CABYR: variants seen among roughly 807,000 people sequenced by gnomAD.
CABYR encodes the protein calcium binding tyrosine phosphorylation regulated, also known as calcium-binding tyrosine phosphorylation-regulated protein.
CABYR carries 31 observed loss-of-function variants against 36.1 expected under a neutral mutation model. The ratio of observed to expected loss-of-function variants is 0.86; its 90% CI spans 0.64 to 1.16. CABYR has a LOEUF of 1.16. CABYR is among the 50% of genes most tolerant of loss of function. The pLI, the probability that CABYR is intolerant of heterozygous loss-of-function variation, is 0.00. For synonymous variants in CABYR, 146 were observed against 160.7 expected (o/e 0.91, Z 0.69); for missense variants, 429 against 455.8 (o/e 0.94, Z 0.53).
chr18:24,147,628 G>C, intron 3 of CABYR, among the ~76,000 whole-genome samples: 1 of 151,926 alleles, frequency 6.6e-6, no homozygotes, highest in Non-Finnish European at 1.5e-5. Flanking sequence ...ACACAGCCCA[G>C]ATGTTTATGG....
chr18:24,142,922 A>T (rs1162310693), intron 1 of CABYR, among the ~76,000 whole-genome samples, 169 bp from the exon 2 acceptor site: 1 of 150,850 alleles, frequency 6.6e-6, no homozygotes, highest in African/African-American at 2.4e-5. Context: ...AGTCCCAGCT[A>T]CTCAGGACGC....
At chr18:24,144,710 C>A (rs1202193089) in intron 3 of CABYR, among the ~76,000 whole-genome samples, 1 of 152,138 alleles carries the variant, frequency 6.6e-6, no homozygotes, top group Non-Finnish European at 1.5e-5. Context: ...AGAGCTTACC[C>A]CAGACTCAGC....
intron 3 of CABYR, chr18:24,152,600 G>C (rs894262223): frequency 2.6e-5 from 4 of 152,154 alleles, no homozygotes; most frequent in Non-Finnish European, 5.9e-5. Context: ...CAAAAATATT[G>C]AGCTTTTTTA....
chr18:24,155,406 A>G (rs1328890694), intron 3 of CABYR, among the ~76,000 whole-genome samples: 1 of 152,224 alleles, frequency 6.6e-6, no homozygotes, highest in Non-Finnish European at 1.5e-5. Flanking sequence ...TACCCACACT[A>G]CAGATGTTGG....
Position 24,143,031 on chromosome 18 carries a change from A to AC in CABYR, c.-24-60_-24-59insC, listed in dbSNP as rs1171915602. 6 of 1,282,554 alleles carry AC rather than the reference A, an allele frequency of 4.7e-6. No homozygotes were observed. The Admixed American group carries it at 1.5e-4, about 32-fold the overall frequency. The allele number at this position is 1,282,554 out of a possible 1,614,324, so 79.4% of individuals were successfully genotyped here. On this transcript the variant is annotated intron_variant, in intron 1 of 5. Transcript: ENST00000399496. ...CTGGGTGACAGAGTCTCAAAAAAAA[A>AC]AAAAAAAAAAACCTATTTTAGTAAA...
Position 24,155,392 on chromosome 18 carries a change from T to G in CABYR, c.200-309T>G, listed in dbSNP as rs193236268. On this transcript the variant is annotated intron_variant, in intron 3 of 5. Coordinates refer to ENST00000399496, the MANE Select transcript of CABYR (RefSeq NM_153769.3). ...TGGACAGGATAAGGACAGGAATGTTTTATTACCCACACTACAGATGTTGGA... is the reference window on the plus strand; with the variant it reads ...TGGACAGGATAAGGACAGGAATGTTGTATTACCCACACTACAGATGTTGGA... Among the ~76,000 whole-genome samples, 161 of 152,360 alleles carry G rather than the reference T, an allele frequency of 1.1e-3. 2 individuals are homozygous for G. Among genetic ancestry groups the G allele is most frequent in the African/African-American group, 3.6e-3 (151 of 41,588 alleles).
chr18:24,158,904 C>A (rs2085870225), intron 4 of CABYR, among the ~76,000 whole-genome samples: 1 of 152,102 alleles, frequency 6.6e-6, no homozygotes, highest in South Asian at 2.1e-4. Context: ...TCTATGATTT[C>A]AAGTCTTGCC....
chr18:24,159,469 TAGCAA>T lies in CABYR; in HGVS notation c.542-2_544del. 2 of 1,606,048 alleles carry T rather than the reference TAGCAA, an allele frequency of 1.2e-6. No individual in the cohort carries two copies. The highest frequency in any genetic ancestry group is 1.7e-6 in the Non-Finnish European group (2 of 1,176,450). Reference sequence around the variant, plus strand: ...TTAATTCCTGCAAAATTTTTTTTTATAGCAATGGCAACAAGTGAACGAGGACAACC... The same window carrying T: ...TTAATTCCTGCAAAATTTTTTTTTATTGGCAACAAGTGAACGAGGACAACC... On this transcript the variant is annotated splice_acceptor_variant and coding_sequence_variant, in exon 5 of 6. Coordinates refer to ENST00000399496, the MANE Select transcript of CABYR (RefSeq NM_153769.3). LOFTEE classifies it high-confidence loss of function.
intron 5 of CABYR, chr18:24,160,287 A>G (rs1012255349): frequency 1.9e-5 from 10 of 529,964 alleles, no homozygotes; most frequent in Non-Finnish European, 2.3e-5. Context: ...CATGCCAAGG[A>G]TTTGATGCCC....
At chr18:24,155,215 C>T in intron 3 of CABYR, among the ~76,000 whole-genome samples, 1 of 152,076 alleles carries the variant, frequency 6.6e-6, no homozygotes, top group Non-Finnish European at 1.5e-5. Context: ...TGATCAGGAG[C>T]TTTTTCCATG....
At chr18:24,156,939 A>G (rs2085806551) in intron 4 of CABYR, 1 of 1,612,162 alleles carries the variant, frequency 6.2e-7, no homozygotes, top group Non-Finnish European at 8.5e-7. Context: ...AGAAGGCCTT[A>G]CTGCACCAGA....
intron 1 of CABYR, among the ~76,000 whole-genome samples, chr18:24,140,559 C>G (rs542495870): frequency 6.6e-6 from 1 of 152,110 alleles, no homozygotes; most frequent in Non-Finnish European, 1.5e-5. Flanking sequence ...GTGTTACAAA[C>G]AATCCAGTTA....
chr18:24,156,793 C>T lies in CABYR; in HGVS notation c.541+751C>T. 1 of 1,614,092 alleles carries T rather than the reference C, an allele frequency of 6.2e-7. No homozygotes were observed. Among genetic ancestry groups the T allele is most frequent in the African/African-American group, 1.3e-5 (1 of 75,016 alleles). On this transcript the variant is annotated intron_variant, in intron 4 of 5. Coordinates refer to ENST00000399496, the MANE Select transcript of CABYR (RefSeq NM_153769.3). ...ATCACTTCAATAGTCTCTGACAATA[C>T]TGGGCAGGAGGAGTCTGGGGAAAAC...
chr18:24,158,677 G>T (rs1309256264), intron 4 of CABYR, among the ~76,000 whole-genome samples: 1 of 152,150 alleles, frequency 6.6e-6, no homozygotes, highest in Non-Finnish European at 1.5e-5. Flanking sequence ...AGATGGCCCA[G>T]CGTTCAAAAG....
intron 3 of CABYR, among the ~76,000 whole-genome samples, chr18:24,153,571 G>A (rs1021753062): frequency 6.6e-5 from 10 of 152,154 alleles, no homozygotes; most frequent in Admixed American, 5.2e-4. Flanking sequence ...TCTGGGCCCT[G>A]CTACAGCTGA....
At chr18:24,158,138 AGT>A (rs1331105925) in intron 4 of CABYR, among the ~76,000 whole-genome samples, 2 of 152,166 alleles carry the variant, frequency 1.3e-5, no homozygotes, top group Non-Finnish European at 1.5e-5. Flanking sequence ...AGGAAAACAG[AGT>A]TGTCCACAAC....
intron 3 of CABYR, chr18:24,150,526 CCT>C: frequency 1.1e-6 from 1 of 917,524 alleles, no homozygotes; most frequent in Non-Finnish European, 1.3e-6. Context: ...AAGTCTTATT[CCT>C]CTTTGATAGA....
In CABYR at chr18:24,139,092, G is replaced by C. The variant is rs906358898; in HGVS notation, c.-51G>C. ...CCGCCGGCAAGGGGGCAACGAGGAA[G>C]CTCTTAAGAGCGCGGCCGGAAAGCA... On this transcript the variant is annotated 5_prime_UTR_variant, in exon 1 of 6. Transcript: ENST00000399496. 4 of 152,270 alleles carry C rather than the reference G, an allele frequency of 2.6e-5. No individual in the cohort carries two copies. Among genetic ancestry groups the C allele is most frequent in the Non-Finnish European group, 5.9e-5 (4 of 68,058 alleles). 9.4% of individuals were successfully genotyped at this position (152,270 alleles called of 1,614,324 possible).
intron 3 of CABYR, among the ~76,000 whole-genome samples, chr18:24,145,904 A>T (rs549718068): frequency 6.6e-6 from 1 of 152,326 alleles, no homozygotes; most frequent in African/African-American, 2.4e-5. Context: ...ACAAAGCTGA[A>T]GTATGCCCAC....
Sources: gnomAD v4.1 joint callset for allele counts (sites outside exome capture counted in the v4.1 genomes callset) on GRCh38, gnomAD v4.1.1 for gene constraint, MANE v1.5 for transcripts, NCBI Gene and HGNC (gene_info 2026-07-23, HGNC 2026-07-21) for gene names.